SYCP1: variants seen among roughly 807,000 people sequenced by gnomAD.
SYCP1 encodes the protein cancer/testis antigen 8.
A neutral mutation model predicts 153.1 loss-of-function variants in SYCP1; 64 were observed. The observed-to-expected ratio is 0.42, with a 90% CI of 0.34 to 0.51. The LOEUF (loss-of-function observed/expected upper bound fraction) is 0.51, where lower values mean the gene tolerates loss of function less well. Among genes scored for constraint, SYCP1 ranks in the 20% least tolerant of loss-of-function variants. The probability of loss-of-function intolerance (pLI) is 0.06; values close to 1 mark genes in which losing one functional copy is unlikely to be tolerated. For synonymous variants in SYCP1, 384 were observed against 341.8 expected (o/e 1.12, Z -1.36); for missense variants, 997 against 1,049.0 (o/e 0.95, Z 0.68).
At position 114,981,572 on chromosome 1, in the gene SYCP1, T is replaced by C. The variant is rs554760855; in HGVS notation, c.2559+60T>C. On this transcript the variant is annotated intron_variant, in intron 29 of 31. Transcript: ENST00000369522. Reference sequence around the variant, plus strand: ...TTTTAAATAAATAAATAAAGTTCTGTTATCACCATATATCTGGCATCACGC... The same window carrying C: ...TTTTAAATAAATAAATAAAGTTCTGCTATCACCATATATCTGGCATCACGC... 2.8e-6 allele frequency: 4 copies of C among 1,436,356 alleles called. No individual in the cohort carries two copies. The South Asian group carries it at 3.9e-5, about 14-fold the overall frequency. The allele number at this position is 1,436,356 out of a possible 1,614,324, so 89.0% of individuals were successfully genotyped here.
At chr1:114,884,445 T>C (rs1666163824) in intron 12 of SYCP1, among the ~76,000 whole-genome samples, 1 of 152,204 alleles carries the variant, frequency 6.6e-6, no homozygotes, top group Non-Finnish European at 1.5e-5. Flanking sequence ...ACTTTTTCTG[T>C]CTCCCTGTAC....
chr1:114,969,109 T>G (rs1672319161), intron 27 of SYCP1, among the ~76,000 whole-genome samples: 1 of 152,052 alleles, frequency 6.6e-6, no homozygotes, highest in Non-Finnish European at 1.5e-5. Flanking sequence ...ATATGAGGTG[T>G]ATGTTGGCCC....
At chr1:114,858,848 G>C in intron 6 of SYCP1, 137 bp downstream of exon 6, 2 of 764,608 alleles carry the variant, frequency 2.6e-6, no homozygotes, top group Non-Finnish European at 4.2e-6. Context: ...CTTTTTAAAA[G>C]TTACATCAAT....
intron 27 of SYCP1, among the ~76,000 whole-genome samples, chr1:114,965,742 G>A (rs1040929550): frequency 5.9e-5 from 9 of 152,260 alleles, no homozygotes; most frequent in African/African-American, 1.4e-4. Context: ...GCTGGATTAG[G>A]TTTGCCAGTA....
chr1:114,968,373 A>G (rs1157376339), intron 27 of SYCP1, among the ~76,000 whole-genome samples: 3 of 152,108 alleles, frequency 2.0e-5, no homozygotes, highest in African/African-American at 7.2e-5. Context: ...GGCTTTGTTC[A>G]TTCCTTTCAT....
intron 8 of SYCP1, chr1:114,863,144 A>AT (rs1664491008): frequency 6.6e-6 from 1 of 152,232 alleles, no homozygotes; most frequent in African/African-American, 2.4e-5. Context: ...TCCTTTGGGT[A>AT]TACACCTAGT....
At chr1:114,950,439 T>C (rs1373482960) in intron 27 of SYCP1, among the ~76,000 whole-genome samples, 1 of 152,170 alleles carries the variant, frequency 6.6e-6, no homozygotes, top group Non-Finnish European at 1.5e-5. Flanking sequence ...AAACACATTA[T>C]GTTTATATTT....
At chr1:114,950,856 A>G (rs1671059085) in intron 27 of SYCP1, among the ~76,000 whole-genome samples, 1 of 137,222 alleles carries the variant, frequency 7.3e-6, no homozygotes, top group Non-Finnish European at 1.6e-5. Flanking sequence ...CTCACGTCTC[A>G]CTCTGTCTCC....
At chr1:114,963,306 T>C (rs190411438) in intron 27 of SYCP1, among the ~76,000 whole-genome samples, 1 of 152,282 alleles carries the variant, frequency 6.6e-6, no homozygotes, top group East Asian at 1.9e-4. Flanking sequence ...GGAACACAAA[T>C]TTTCTTAGGT....
intron 23 of SYCP1, among the ~76,000 whole-genome samples, chr1:114,935,223 C>T (rs1476726966): frequency 1.3e-5 from 2 of 152,172 alleles, no homozygotes; most frequent in Admixed American, 1.3e-4. Context: ...GACCACAGTG[C>T]AATCAAACTA....
intron 30 of SYCP1, among the ~76,000 whole-genome samples, chr1:114,994,087 T>C (rs1674109178): frequency 6.6e-6 from 1 of 151,454 alleles, no homozygotes. Context: ...TATTCCATTG[T>C]ATGTATACAC....
chr1:114,874,422 A>G (rs1465287887), intron 8 of SYCP1, 84 bp from the exon 9 acceptor site: 3 of 778,248 alleles, frequency 3.9e-6, no homozygotes, highest in Non-Finnish European at 6.4e-6. Flanking sequence ...TAAATATTTT[A>G]ATGTTTTCTG....
rs1373767279 is a variant in SYCP1, at chr1:114,886,208, G to A, written c.1089G>A (p.Met363Ile). 5 of 1,611,798 alleles carry A rather than the reference G, an allele frequency of 3.1e-6. No homozygotes were observed. Among genetic ancestry groups the A allele is most frequent in the Admixed American group, 3.3e-5 (2 of 59,702 alleles). Residue 363 changes from methionine to isoleucine, a missense_variant, in exon 14 of 32, where the codon ATG (methionine) becomes ATA (isoleucine). Coordinates refer to ENST00000369522, the MANE Select transcript of SYCP1 (RefSeq NM_003176.4). ...TAACTGAAGAAAAAGAAACTCAAAT[G>A]GAAGAATCTAATAAAGCTAGAGCTG... Reference protein sequence around the residue: ...CQLTEEKETQMEESNKARAAH... With the variant: ...CQLTEEKETQIEESNKARAAH...
chr1:114,876,441 A>T (rs1329402029), intron 10 of SYCP1, among the ~76,000 whole-genome samples: 1 of 151,766 alleles, frequency 6.6e-6, no homozygotes, highest in African/African-American at 2.4e-5. Flanking sequence ...ATAATTGTAT[A>T]TGTATCATAT....
At chr1:114,954,471 A>G (rs1312657073) in intron 27 of SYCP1, among the ~76,000 whole-genome samples, 1 of 151,692 alleles carries the variant, frequency 6.6e-6, no homozygotes, top group Non-Finnish European at 1.5e-5. Flanking sequence ...GATGATTGGA[A>G]AGGATGAAGC....
intron 28 of SYCP1, among the ~76,000 whole-genome samples, chr1:114,980,188 A>T (rs1673060669): frequency 6.6e-6 from 1 of 151,964 alleles, no homozygotes; most frequent in East Asian, 1.9e-4. Context: ...ACATGCCTCA[A>T]TTTCCTTACA....
At chr1:114,916,015 C>A (rs551191908) in intron 20 of SYCP1, among the ~76,000 whole-genome samples, 4 of 152,124 alleles carry the variant, frequency 2.6e-5, no homozygotes, top group Non-Finnish European at 5.9e-5. Flanking sequence ...ATGGCAGGAA[C>A]CATGTTCAGC....
At chr1:114,879,743 G>A in intron 12 of SYCP1, among the ~76,000 whole-genome samples, 1 of 152,138 alleles carries the variant, frequency 6.6e-6, no homozygotes, top group East Asian at 1.9e-4. Flanking sequence ...CCACTGAAGT[G>A]TGTTCATTTA....
chr1:114,902,385 C>T (rs183449819), intron 16 of SYCP1, among the ~76,000 whole-genome samples: 58 of 152,204 alleles, frequency 3.8e-4, no homozygotes, highest in African/African-American at 1.2e-3. Context: ...GTCGCAGGAT[C>T]AGGAAAGATT....
Sources: gnomAD v4.1 joint callset for allele counts (sites outside exome capture counted in the v4.1 genomes callset) on GRCh38, gnomAD v4.1.1 for gene constraint, MANE v1.5 for transcripts, NCBI Gene and HGNC (gene_info 2026-07-23, HGNC 2026-07-21) for gene names.